FAM174B: variants seen among roughly 807,000 people sequenced by gnomAD.
The protein encoded by FAM174B is family with sequence similarity 174 member B.
In FAM174B, 12 loss-of-function variants were observed where a neutral mutation model predicts 10.9. That is an observed-to-expected ratio of 1.10 (90% CI 0.71 to 1.79). The LOEUF (loss-of-function observed/expected upper bound fraction) is 1.79, where lower values mean the gene tolerates loss of function less well. Among genes scored for constraint, FAM174B ranks in the 40% most tolerant of loss-of-function variants. FAM174B has a pLI of 0.00. For missense variants in FAM174B, 266 were observed against 233.3 expected (o/e 1.14, Z -0.91); for synonymous variants, 132 against 115.8 (o/e 1.14, Z -0.90).
At chr15:92,655,272 G>T in intron 1 of FAM174B, 44 bp downstream of exon 1, 1 of 1,491,220 alleles carries the variant, frequency 6.7e-7, no homozygotes, top group East Asian at 2.7e-5. Flanking sequence ...TGGCGATGCC[G>T]CCCTGTCGGC....
intron 1 of FAM174B, among the ~76,000 whole-genome samples, chr15:92,649,646 A>C (rs16947142): frequency 0.028 from 4,318 of 152,284 alleles, 195 homozygotes; most frequent in African/African-American, 0.097. Context: ...AAGGTTCAAT[A>C]AACTGCCCAT....
chr15:92,617,671 T>C lies in FAM174B; in HGVS notation c.*1785A>G, dbSNP rs1253489960. 1 of 680,614 alleles carries C rather than the reference T, an allele frequency of 1.5e-6. No homozygotes were observed. Among genetic ancestry groups the C allele is most frequent in the African/African-American group, 1.8e-5 (1 of 55,458 alleles). 42.2% of individuals were successfully genotyped at this position (680,614 alleles called of 1,614,324 possible). A position where few individuals can be genotyped will look rare whatever the true frequency, so the allele number is the denominator to read the frequency against. ...TGAGCCAGCAGTTCCAGTTCAAAGG[T>C]TGAGGGGGCGAACAGCTGCGAGGTG... On this transcript the variant is annotated 3_prime_UTR_variant, in exon 3 of 3. Transcript: ENST00000327355.
At chr15:92,629,660 C>A (rs936732825) in intron 2 of FAM174B, among the ~76,000 whole-genome samples, 1 of 152,202 alleles carries the variant, frequency 6.6e-6, no homozygotes, top group South Asian at 2.1e-4. Context: ...ATAAGCAATT[C>A]TCTGCTGGGT....
intron 1 of FAM174B, among the ~76,000 whole-genome samples, chr15:92,649,429 T>C (rs1255123219): frequency 6.6e-6 from 1 of 152,224 alleles, no homozygotes; most frequent in South Asian, 2.1e-4. Flanking sequence ...ATTGTGGCCA[T>C]ATGGCTGCAT....
At chr15:92,655,226 G>A (rs547102260) in intron 1 of FAM174B, 90 bp downstream of exon 1, 2 of 1,436,934 alleles carry the variant, frequency 1.4e-6, no homozygotes. Context: ...GGGCACCTGT[G>A]CGTGCAGGTG....
chr15:92,625,335 T>C (rs1362043312), intron 2 of FAM174B, among the ~76,000 whole-genome samples: 1 of 152,244 alleles, frequency 6.6e-6, no homozygotes, highest in East Asian at 1.9e-4. Context: ...AGCAGGTTAC[T>C]CTGCCTTACT....
chr15:92,627,839 A>G (rs2050763274), intron 2 of FAM174B, among the ~76,000 whole-genome samples: 1 of 152,178 alleles, frequency 6.6e-6, no homozygotes, highest in Non-Finnish European at 1.5e-5. Flanking sequence ...TTTTCTTCAC[A>G]TTGTATTTTA....
chr15:92,647,873 A>C (rs1005061807), intron 1 of FAM174B, among the ~76,000 whole-genome samples: 1 of 152,174 alleles, frequency 6.6e-6, no homozygotes, highest in African/African-American at 2.4e-5. Flanking sequence ...TTAAGATCTG[A>C]AAAGAGGCAT....
intron 1 of FAM174B, among the ~76,000 whole-genome samples, chr15:92,653,515 A>C (rs539809171): frequency 2.6e-5 from 4 of 152,358 alleles, no homozygotes; most frequent in Non-Finnish European, 5.9e-5. Context: ...GTAGATGACA[A>C]TGGCACCTCT....
At chr15:92,639,918 T>G (rs1235959352) in intron 1 of FAM174B, among the ~76,000 whole-genome samples, 1 of 152,092 alleles carries the variant, frequency 6.6e-6, no homozygotes, top group Non-Finnish European at 1.5e-5. Context: ...CTCAGGTATT[T>G]CTTTATAGCA....
At chr15:92,643,021 T>C (rs951397143) in intron 1 of FAM174B, among the ~76,000 whole-genome samples, 3 of 152,234 alleles carry the variant, frequency 2.0e-5, no homozygotes, top group Non-Finnish European at 4.4e-5. Flanking sequence ...AGAGATTAAC[T>C]ACTATGGATT....
intron 1 of FAM174B, among the ~76,000 whole-genome samples, chr15:92,642,173 G>A (rs2050896107): frequency 6.6e-6 from 1 of 152,188 alleles, no homozygotes; most frequent in African/African-American, 2.4e-5. Flanking sequence ...ACAAATGTTG[G>A]TGAGGATATA....
intron 1 of FAM174B, among the ~76,000 whole-genome samples, chr15:92,652,883 C>T (rs2050975969): frequency 6.6e-6 from 1 of 152,092 alleles, no homozygotes; most frequent in East Asian, 1.9e-4. Flanking sequence ...TACAGGGGAG[C>T]GTGGGACAGG....
chr15:92,631,427 AATATAAT>A (rs1213149414), intron 1 of FAM174B, among the ~76,000 whole-genome samples: 2,951 of 45,330 alleles, frequency 0.065, 504 homozygotes, highest in African/African-American at 0.075. Flanking sequence ...TATAATATAT[AATATAAT>A]ATATTATATA....
intron 1 of FAM174B, among the ~76,000 whole-genome samples, chr15:92,639,782 TCCCA>T (rs368799396): frequency 5.3e-5 from 8 of 152,182 alleles, no homozygotes; most frequent in African/African-American, 1.9e-4. Context: ...TTGCTCCTGC[TCCCA>T]CCATGTGAGT....
chr15:92,646,044 C>T (rs2050924960), intron 1 of FAM174B, among the ~76,000 whole-genome samples: 1 of 151,188 alleles, frequency 6.6e-6, no homozygotes, highest in African/African-American at 2.4e-5. Context: ...CTATGCCCTT[C>T]AGGACAGCCT....
At chr15:92,627,524 C>T (rs1261462153) in intron 2 of FAM174B, 1 of 153,968 alleles carries the variant, frequency 6.5e-6, no homozygotes, top group Non-Finnish European at 1.5e-5. Context: ...GGAAAGGCCC[C>T]TTTTCCCACC....
chr15:92,619,840 C>T, intron 2 of FAM174B: 1 of 264,630 alleles, frequency 3.8e-6, no homozygotes, highest in Non-Finnish European at 7.2e-6. Context: ...GGTGATAACT[C>T]CTCAACCCTG....
At position 92,619,037 on chromosome 15, in the gene FAM174B, G is replaced by GCGTATCATTAAA; in HGVS notation, c.*418_*419insTTTAATGATACG. 3 of 525,636 alleles carry GCGTATCATTAAA rather than the reference G, an allele frequency of 5.7e-6. No homozygotes were observed. Among genetic ancestry groups the GCGTATCATTAAA allele is most frequent in the South Asian group, 2.7e-5 (1 of 36,952 alleles). The allele number at this position is 525,636 out of a possible 1,614,324, so 32.6% of individuals were successfully genotyped here. A position where few individuals can be genotyped will look rare whatever the true frequency, so the allele number is the denominator to read the frequency against. On this transcript the variant is annotated 3_prime_UTR_variant, in exon 3 of 3. Coordinates refer to ENST00000327355, the MANE Select transcript of FAM174B (RefSeq NM_207446.3). ...GTAGATCCAGTAGAGAAGAATGTCG[G>GCGTATCATTAAA]AAATTCTAAATACACAGTTGGACAT...
Sources: gnomAD v4.1 joint callset for allele counts (sites outside exome capture counted in the v4.1 genomes callset) on GRCh38, gnomAD v4.1.1 for gene constraint, MANE v1.5 for transcripts, NCBI Gene and HGNC (gene_info 2026-07-23, HGNC 2026-07-21) for gene names.